The following CDH2 variants were observed in gnomAD, a reference collection of about 807,000 sequenced individuals.
CDH2 encodes cadherin 2.
In CDH2, 17 loss-of-function variants were observed where a neutral mutation model predicts 92.0. The ratio of observed to expected loss-of-function variants is 0.18; its 90% CI spans 0.13 to 0.28. The LOEUF is 0.28. CDH2 is among the 10% of genes least tolerant of loss of function. The probability of loss-of-function intolerance (pLI) is 1.00; values close to 1 mark genes in which losing one functional copy is unlikely to be tolerated. For missense variants in CDH2, 862 were observed against 1,133.1 expected, an observed-to-expected ratio of 0.76 and a Z score of 3.44; for synonymous variants, 419 against 415.9, an observed-to-expected ratio of 1.01 and a Z score of -0.09.
chr18:28,092,696 T>C (rs2015059028), intron 2 of CDH2, among the ~76,000 whole-genome samples: 1 of 152,178 alleles, frequency 6.6e-6, no homozygotes, highest in Admixed American at 6.5e-5. Context: ...AAAAAGTCCC[T>C]AATTCAGAGG....
intron 2 of CDH2, among the ~76,000 whole-genome samples, chr18:28,043,461 A>AACAT (rs2013990982): frequency 1.4e-5 from 1 of 71,968 alleles, no homozygotes; most frequent in Non-Finnish European, 2.6e-5. Flanking sequence ...GATATAAATA[A>AACAT]ATATATATAT....
At chr18:28,021,470 C>T (rs1599039978) in intron 2 of CDH2, among the ~76,000 whole-genome samples, 1 of 151,810 alleles carries the variant, frequency 6.6e-6, no homozygotes, top group East Asian at 1.9e-4. Context: ...CAAAAAAAAT[C>T]ATACTATTAA....
intron 2 of CDH2, among the ~76,000 whole-genome samples, chr18:28,027,861 A>G (rs2013599435): frequency 6.7e-6 from 1 of 149,818 alleles, no homozygotes; most frequent in South Asian, 2.1e-4. Context: ...TTTTTTTTGC[A>G]GAATGTACCC....
At chr18:27,983,351 T>G (rs1430343628) in intron 13 of CDH2, among the ~76,000 whole-genome samples, 1 of 152,192 alleles carries the variant, frequency 6.6e-6, no homozygotes, top group African/African-American at 2.4e-5. Flanking sequence ...GTTCTCAGTT[T>G]TACCATCCAT....
chr18:28,103,862 T>C (rs140896250), intron 2 of CDH2, among the ~76,000 whole-genome samples: 1,752 of 152,260 alleles, frequency 0.012, 41 homozygotes, highest in African/African-American at 0.04. Context: ...TAGTATTCCA[T>C]GGTGTATTAT....
intron 14 of CDH2, among the ~76,000 whole-genome samples, chr18:27,971,289 G>A (rs545259983): frequency 6.7e-6 from 1 of 148,408 alleles, no homozygotes; most frequent in Non-Finnish European, 1.5e-5. Context: ...CTGGCCTATA[G>A]CATTTTTGCA....
intron 7 of CDH2, among the ~76,000 whole-genome samples, chr18:27,996,732 G>A (rs2012595834): frequency 6.6e-6 from 1 of 152,210 alleles, no homozygotes; most frequent in Non-Finnish European, 1.5e-5. Flanking sequence ...ATATGGCACA[G>A]TGCCTGACTC....
At chr18:28,048,424 G>A (rs1395481997) in intron 2 of CDH2, among the ~76,000 whole-genome samples, 1 of 152,160 alleles carries the variant, frequency 6.6e-6, no homozygotes, top group Non-Finnish European at 1.5e-5. Context: ...TATATTAAAT[G>A]TGTATACAGA....
intron 15 of CDH2, among the ~76,000 whole-genome samples, chr18:27,960,446 T>C (rs1236970085): frequency 1.3e-5 from 2 of 152,174 alleles, no homozygotes; most frequent in Admixed American, 6.5e-5. Context: ...GAGTTCTCTG[T>C]AGATAGCCTG....
At chr18:28,091,101 G>A (rs2015028740) in intron 2 of CDH2, among the ~76,000 whole-genome samples, 4 of 152,166 alleles carry the variant, frequency 2.6e-5, no homozygotes, top group African/African-American at 9.7e-5. Context: ...GGATCTAGAT[G>A]TACTCTGCTA....
At chr18:28,135,530 C>T (rs1369081297) in intron 2 of CDH2, among the ~76,000 whole-genome samples, 2 of 152,040 alleles carry the variant, frequency 1.3e-5, no homozygotes, top group African/African-American at 4.8e-5. Context: ...AAATACCATA[C>T]CTTAGGTTTA....
At chr18:28,151,639 T>C (rs1316531463) in intron 1 of CDH2, among the ~76,000 whole-genome samples, 1 of 152,136 alleles carries the variant, frequency 6.6e-6, no homozygotes, top group Non-Finnish European at 1.5e-5. Flanking sequence ...CCCTGAGGCT[T>C]ACTCCCACAT....
chr18:28,121,064 C>A (rs962419288), intron 2 of CDH2, among the ~76,000 whole-genome samples: 6 of 152,132 alleles, frequency 3.9e-5, no homozygotes, highest in Admixed American at 6.6e-5. Flanking sequence ...TTATTCTGTG[C>A]GGTTTCACAT....
chr18:27,994,439 A>G (rs888662527), intron 7 of CDH2, among the ~76,000 whole-genome samples: 3 of 152,236 alleles, frequency 2.0e-5, no homozygotes, highest in Admixed American at 6.5e-5. Flanking sequence ...TAAAAGAGCC[A>G]AATTAAGCTA....
At chr18:27,980,404 AGTGAAG>A (rs2012007534) in intron 14 of CDH2, among the ~76,000 whole-genome samples, 1 of 152,196 alleles carries the variant, frequency 6.6e-6, no homozygotes, top group Non-Finnish European at 1.5e-5. Flanking sequence ...GATGGAGGTA[AGTGAAG>A]GTAGAGGCCT....
chr18:28,076,252 C>T (rs554380246), intron 2 of CDH2, among the ~76,000 whole-genome samples: 170 of 152,246 alleles, frequency 1.1e-3, no homozygotes, highest in Non-Finnish European at 2.1e-3. Context: ...TCTAGACTAA[C>T]ATTTTGTTAC....
At chr18:28,022,970 C>A (rs2013451227) in intron 2 of CDH2, among the ~76,000 whole-genome samples, 1 of 152,014 alleles carries the variant, frequency 6.6e-6, no homozygotes, top group Non-Finnish European at 1.5e-5. Context: ...GAATAACTCT[C>A]CTTCAACAAA....
chr18:27,965,990 GA>G (rs373927434), intron 14 of CDH2, among the ~76,000 whole-genome samples: 20,762 of 58,712 alleles, frequency 0.35, 1,049 homozygotes, highest in Non-Finnish European at 0.41. Flanking sequence ...TGTCTAAAAG[GA>G]AAAAAAAAAA....
At chr18:28,085,582 T>G (rs2014911473) in intron 2 of CDH2, among the ~76,000 whole-genome samples, 1 of 152,168 alleles carries the variant, frequency 6.6e-6, no homozygotes, top group Admixed American at 6.5e-5. Context: ...CTGCTACATC[T>G]GCACCTTCTA....
Sources: allele counts gnomAD v4.1 joint callset (sites outside exome capture counted in the v4.1 genomes callset), GRCh38; gene constraint gnomAD v4.1.1; transcripts MANE v1.5; gene names NCBI Gene and HGNC (gene_info 2026-07-23, HGNC 2026-07-21).